Variants in ROBO2 observed in about 807,000 individuals in gnomAD.
ROBO2 encodes roundabout homolog 2.
A neutral mutation model predicts 160.8 loss-of-function variants in ROBO2; 53 were observed. That is an observed-to-expected ratio of 0.33 (90% CI 0.26 to 0.41). ROBO2 has a LOEUF of 0.41. Ranked by LOEUF, ROBO2 falls within the 10% of genes least tolerant of loss-of-function variation. The pLI is 1.00. For missense variants in ROBO2, 1,577 were observed against 1,722.4 expected, an observed-to-expected ratio of 0.92 and a Z score of 1.49; for synonymous variants, 664 against 611.7, an observed-to-expected ratio of 1.09 and a Z score of -1.26.
At chr3:76,405,900 A>G (rs2078099104) in intron 2 of ROBO2, among the ~76,000 whole-genome samples, 1 of 151,780 alleles carries the variant, frequency 6.6e-6, no homozygotes, top group African/African-American at 2.4e-5. Context: ...ATGGTTCTGT[A>G]ATACACTGAA....
At chr3:77,412,929 A>G (rs2076917982) in intron 2 of ROBO2, among the ~76,000 whole-genome samples, 1 of 152,166 alleles carries the variant, frequency 6.6e-6, no homozygotes, top group Non-Finnish European at 1.5e-5. Flanking sequence ...AAAAATACTT[A>G]ATAAGGGCTG....
intron 2 of ROBO2, among the ~76,000 whole-genome samples, chr3:77,365,675 T>C (rs2070755500): frequency 6.6e-6 from 1 of 152,208 alleles, no homozygotes; most frequent in Admixed American, 6.6e-5. Flanking sequence ...TCAGATTTCT[T>C]GGCAAACCGT....
intron 2 of ROBO2, among the ~76,000 whole-genome samples, chr3:76,003,063 C>T (rs1052741858): frequency 2.6e-5 from 4 of 152,164 alleles, no homozygotes; most frequent in African/African-American, 9.7e-5. Flanking sequence ...TTCAAGGATT[C>T]AGCAGGGGGT....
chr3:77,528,541 T>C (rs1430318171), intron 6 of ROBO2, among the ~76,000 whole-genome samples: 2 of 151,684 alleles, frequency 1.3e-5, no homozygotes, highest in African/African-American at 2.4e-5. Context: ...TCTGATCTGG[T>C]GTTTCTGAGC....
intron 6 of ROBO2, chr3:77,538,987 G>C: frequency 2.4e-6 from 1 of 408,616 alleles, no homozygotes; most frequent in South Asian, 1.8e-5. Context: ...CAACAATCTC[G>C]GCTCACTGCA....
chr3:77,432,111 A>G (rs988358849), intron 2 of ROBO2, among the ~76,000 whole-genome samples: 1 of 152,158 alleles, frequency 6.6e-6, no homozygotes, highest in African/African-American at 2.4e-5. Flanking sequence ...TTGGAATAAA[A>G]TCTTTGGGAT....
chr3:76,865,244 T>C (rs930952504), intron 2 of ROBO2, among the ~76,000 whole-genome samples: 1 of 152,168 alleles, frequency 6.6e-6, no homozygotes, highest in Non-Finnish European at 1.5e-5. Flanking sequence ...TTCATTTGCA[T>C]TCTGTTGTGG....
At chr3:77,224,929 A>G (rs2086295039) in intron 2 of ROBO2, among the ~76,000 whole-genome samples, 2 of 152,050 alleles carry the variant, frequency 1.3e-5, no homozygotes, top group Non-Finnish European at 3.0e-5. Flanking sequence ...CAAATATAGG[A>G]AAAGTTTTAA....
exon 20 of ROBO2, chr3:77,602,353 A>G: frequency 6.2e-7 from 1 of 1,614,136 alleles, no homozygotes; most frequent in Non-Finnish European, 8.5e-7. Flanking sequence ...ATATGCCACG[A>G]CACAGATCTT....
chr3:76,281,569 T>A (rs569915738), intron 2 of ROBO2, among the ~76,000 whole-genome samples: 15 of 151,968 alleles, frequency 9.9e-5, no homozygotes, highest in Middle Eastern at 3.4e-3. Flanking sequence ...TTAGTATGCT[T>A]AAGGTCGTGT....
At chr3:77,239,902 A>T (rs1485801794) in intron 2 of ROBO2, among the ~76,000 whole-genome samples, 1 of 151,736 alleles carries the variant, frequency 6.6e-6, no homozygotes, top group African/African-American at 2.4e-5. Flanking sequence ...CTAGATACGG[A>T]GGGCTGATTG....
chr3:76,817,837 T>C (rs556723531), intron 2 of ROBO2, among the ~76,000 whole-genome samples: 5 of 151,830 alleles, frequency 3.3e-5, no homozygotes, highest in African/African-American at 9.6e-5. Flanking sequence ...CTTTTTTTTT[T>C]TTTTTTTTGG....
chr3:77,546,652 T>TC (rs1454600123), intron 7 of ROBO2, among the ~76,000 whole-genome samples, 190 bp downstream of exon 8: 1 of 152,150 alleles, frequency 6.6e-6, no homozygotes, highest in Non-Finnish European at 1.5e-5. Flanking sequence ...TTGCTAGTAT[T>TC]AATCTTTTCA....
chr3:77,408,813 C>T (rs1166310177), intron 2 of ROBO2, among the ~76,000 whole-genome samples: 1 of 152,026 alleles, frequency 6.6e-6, no homozygotes, highest in Non-Finnish European at 1.5e-5. Flanking sequence ...CTCCCTTAAT[C>T]TCCTGGGATC....
At chr3:77,598,434 AATAT>A (rs3073100) in intron 19 of ROBO2, among the ~76,000 whole-genome samples, 4 of 143,664 alleles carry the variant, frequency 2.8e-5, no homozygotes, top group Non-Finnish European at 6.0e-5. Context: ...TAAATAGATG[AATAT>A]ATATATATAT....
intron 2 of ROBO2, among the ~76,000 whole-genome samples, chr3:76,109,664 A>T (rs113009480): frequency 0.016 from 2,463 of 151,988 alleles, 82 homozygotes; most frequent in African/African-American, 0.056. Context: ...TTATTTTTTC[A>T]GAAATTTTTT....
At position 76,135,146 on chromosome 3, in the gene ROBO2, A is replaced by T. The variant is rs1045188559; in HGVS notation, c.109+197544A>T. ...TGTGTGGGGCAAGATTCTGGGATAC[A>T]CTTCAGTCCCCTTGCATCTCATTGG... is the stretch of plus-strand genomic sequence containing the variant. On this transcript the variant is annotated intron_variant, in intron 2 of 26. Coordinates refer to the ROBO2 transcript ENST00000487694. Among the ~76,000 whole-genome samples, 112 of 152,084 alleles carry T rather than the reference A, an allele frequency of 7.4e-4. 4 individuals carry two copies. Among genetic ancestry groups the T allele is most frequent in the Non-Finnish European group, 3.1e-4 (21 of 67,990 alleles).
At position 76,496,220 on chromosome 3, in the gene ROBO2, T is replaced by C. The variant is rs182677046; in HGVS notation, c.109+558618T>C. On this transcript the variant is annotated intron_variant, in intron 2 of 26. Transcript: ENST00000487694. ...TTCATCTTCACGTGACAAATATCAC[T>C]CTTCATTCTTTAAGTTTCATTTGTA... Among the ~76,000 whole-genome samples the C allele has an allele frequency of 9.7e-3, 1,382 of 142,540 alleles. 24 individuals carry two copies. Among genetic ancestry groups the C allele is most frequent in the African/African-American group, 0.04 (1,299 of 32,318 alleles). The allele number at this position is 142,540 out of a possible 152,430, so 93.5% of individuals were successfully genotyped here.
intron 2 of ROBO2, among the ~76,000 whole-genome samples, chr3:76,507,901 CAT>C (rs2080875925): frequency 6.6e-6 from 1 of 152,090 alleles, no homozygotes; most frequent in Admixed American, 6.6e-5. Context: ...GTCATGAGGA[CAT>C]ATGTTTCAAA....
Sources: gnomAD v4.1 joint callset for allele counts (sites outside exome capture counted in the v4.1 genomes callset) on GRCh38, gnomAD v4.1.1 for gene constraint, MANE v1.5 for transcripts, NCBI Gene and HGNC (gene_info 2026-07-23, HGNC 2026-07-21) for gene names.